The following TF variants were observed in gnomAD, a reference collection of about 807,000 sequenced individuals.
The protein encoded by TF is transferrin, also known as serotransferrin.
Under a neutral mutation model 82.4 loss-of-function variants are expected in TF, and 55 were observed. That is an observed-to-expected ratio of 0.67 (90% CI 0.54 to 0.84). The LOEUF (loss-of-function observed/expected upper bound fraction) is 0.84, where lower values mean the gene tolerates loss of function less well. Among genes scored for constraint, TF ranks in the 40% least tolerant of loss-of-function variants. The pLI is 0.00. For synonymous variants in TF, 332 were observed against 332.6 expected, an observed-to-expected ratio of 1.00 and a Z score of 0.02; for missense variants, 737 against 868.4, an observed-to-expected ratio of 0.85 and a Z score of 1.90.
At chr3:133,720,986 G>C in the TF span, among the ~76,000 whole-genome samples, 49 of 151,786 alleles carry the variant, frequency 3.2e-4, no homozygotes, top group African/African-American at 1.1e-3. Flanking sequence ...ATCTTCTCTT[G>C]TTTTCTTTGT....
chr3:133,682,653 T>A, the TF span, among the ~76,000 whole-genome samples: 28,670 of 151,968 alleles, frequency 0.19, 2,931 homozygotes, highest in African/African-American at 0.25. Flanking sequence ...AACAGAAGTT[T>A]AGAGAAAAAA....
chr3:133,679,280 C>G, the TF span, among the ~76,000 whole-genome samples: 2,069 of 152,268 alleles, frequency 0.014, 41 homozygotes, highest in African/African-American at 0.048. Flanking sequence ...CCTCAGCCTC[C>G]CAAAGTGTTG....
At chr3:133,684,419 G>T in the TF span, among the ~76,000 whole-genome samples, 1 of 152,100 alleles carries the variant, frequency 6.6e-6, no homozygotes, top group African/African-American at 2.4e-5. Flanking sequence ...CCAGGAGCTG[G>T]TTTTTTGAAA....
chr3:133,777,101 G>A lies in TF; in HGVS notation c.1925G>A (p.Arg642Gln), dbSNP rs373020329. Reference sequence around the variant, plus strand: ...TGCTCGGGCAACTTTTGTTTGTTCCGGTCGGAAACCAAGGACCTTCTGTTC... The same window carrying A: ...TGCTCGGGCAACTTTTGTTTGTTCCAGTCGGAAACCAAGGACCTTCTGTTC... ...TDCSGNFCLF[R>Q]SETKDLLFRD... The change falls in exon 16 of 17, where the codon CGG becomes CAG. Residue 642 changes from arginine (R) to glutamine (Q), a missense_variant. By Grantham distance (43) the Arg-to-Gln change is conservative (BLOSUM62 1). Coordinates refer to ENST00000402696, the MANE Select transcript of TF (RefSeq NM_001063.4). The A allele has an allele frequency of 1.1e-4, 177 of 1,613,996 alleles. No individual in the cohort carries two copies. The highest frequency in any genetic ancestry group is 1.3e-4 in the Non-Finnish European group (156 of 1,180,032).
the TF span, among the ~76,000 whole-genome samples, chr3:133,729,533 G>A: frequency 2.0e-5 from 3 of 152,254 alleles, no homozygotes; most frequent in Non-Finnish European, 2.9e-5. Flanking sequence ...TCGGGTGGAA[G>A]TGACCCGATT....
the TF span, among the ~76,000 whole-genome samples, chr3:133,723,221 C>G: frequency 6.6e-6 from 1 of 152,134 alleles, no homozygotes; most frequent in Non-Finnish European, 1.5e-5. Flanking sequence ...CTATCTTTGA[C>G]TTTTGACAGT....
chr3:133,716,329 A>C, the TF span, among the ~76,000 whole-genome samples: 1 of 152,188 alleles, frequency 6.6e-6, no homozygotes, highest in East Asian at 1.9e-4. Flanking sequence ...TTAAATGTCC[A>C]AAACTGAGCT....
chr3:133,689,731 G>A, the TF span, among the ~76,000 whole-genome samples: 2 of 152,244 alleles, frequency 1.3e-5, no homozygotes, highest in South Asian at 2.1e-4. Context: ...TCAGCTTTCT[G>A]TATATCCATT....
chr3:133,728,182 T>C, the TF span, among the ~76,000 whole-genome samples: 1 of 152,198 alleles, frequency 6.6e-6, no homozygotes, highest in African/African-American at 2.4e-5. Context: ...CTGTATTTCC[T>C]GAATCTGAAT....
chr3:133,728,009 T>A, the TF span, among the ~76,000 whole-genome samples: 2 of 152,262 alleles, frequency 1.3e-5, no homozygotes, highest in African/African-American at 4.8e-5. Flanking sequence ...TGGCAGGGTT[T>A]CTGCTGAGAG....
intron 9 of TF, among the ~76,000 whole-genome samples, chr3:133,763,595 A>C (rs533920546): frequency 6.6e-6 from 1 of 152,346 alleles, no homozygotes; most frequent in Admixed American, 6.5e-5. Context: ...TTATTACTAG[A>C]AAGTATATTG....
the TF span, among the ~76,000 whole-genome samples, chr3:133,682,520 T>C: frequency 6.6e-6 from 1 of 152,164 alleles, no homozygotes; most frequent in Non-Finnish European, 1.5e-5. Context: ...TTAAATGACC[T>C]GATGGAGCTG....
the TF span, among the ~76,000 whole-genome samples, chr3:133,677,796 A>G: frequency 6.7e-6 from 1 of 150,314 alleles, no homozygotes; most frequent in Non-Finnish European, 1.5e-5. Context: ...CGATCCTCCT[A>G]TCTCACCCTC....
the TF span, among the ~76,000 whole-genome samples, chr3:133,730,744 C>G: frequency 6.6e-6 from 1 of 150,666 alleles, no homozygotes; most frequent in Admixed American, 6.6e-5. Flanking sequence ...AACACACACA[C>G]AAGCATGCAT....
chr3:133,713,049 C>T, the TF span, among the ~76,000 whole-genome samples: 24 of 152,278 alleles, frequency 1.6e-4, no homozygotes, highest in East Asian at 4.2e-3. Context: ...AGAATGATGG[C>T]GGCAGAGTCA....
chr3:133,710,693 T>G, the TF span, among the ~76,000 whole-genome samples: 1 of 152,146 alleles, frequency 6.6e-6, no homozygotes. Flanking sequence ...CATGTTCCCT[T>G]CCATGGTCTC....
Position 133,778,661 on chromosome 3 carries a change from C to T in TF, c.*41C>T, listed in dbSNP as rs141246274. The T allele has an allele frequency of 2.3e-4, 375 of 1,609,762 alleles. 3 individuals carry two copies. The African/African-American group carries it at 4.0e-3, about 17-fold the overall frequency. On this transcript the variant is annotated 3_prime_UTR_variant, in exon 17 of 17. Coordinates refer to ENST00000402696, the MANE Select transcript of TF (RefSeq NM_001063.4). ...GCTGCCACCAAGGTGAAGATGGGAA[C>T]GCAGATGATCCATGAGTTTGCCCTG...
In TF at chr3:133,782,568, G is replaced by A. The variant is rs779609211; in HGVS notation, c.*3948G>A. 1.3e-5 allele frequency: 2 copies of A among 151,960 alleles called. No individual in the cohort carries two copies. Among genetic ancestry groups the A allele is most frequent in the Non-Finnish European group, 2.9e-5 (2 of 68,012 alleles). The allele number at this position is 151,960 out of a possible 1,614,324, so 9.4% of individuals were successfully genotyped here. A position where few individuals can be genotyped will look rare whatever the true frequency, so the allele number is the denominator to read the frequency against. ...ATATTACACGATTTCACTCACATGG[G>A]GAATCTAAAGAAAACACTCAAATAC... On this transcript the variant is annotated 3_prime_UTR_variant, in exon 17 of 17. Transcript: ENST00000402696.
chr3:133,742,075 C>G (rs56072733), upstream of TF, among the ~76,000 whole-genome samples: 4,720 of 152,240 alleles, frequency 0.031, 249 homozygotes, highest in African/African-American at 0.11. Flanking sequence ...CCTTGAACTC[C>G]TGGGCTCAAG....
Sources: allele counts gnomAD v4.1 joint callset (sites outside exome capture counted in the v4.1 genomes callset), GRCh38; gene constraint gnomAD v4.1.1; transcripts MANE v1.5; gene names NCBI Gene and HGNC (gene_info 2026-07-23, HGNC 2026-07-21).